The following CCDC157 variants were observed in gnomAD, a reference collection of about 807,000 sequenced individuals.
CCDC157 encodes coiled-coil domain-containing protein 157.
In CCDC157, 60 loss-of-function variants were observed where a neutral mutation model predicts 70.9. The observed-to-expected ratio is 0.85, with a 90% CI of 0.69 to 1.05. The LOEUF is 1.05. Among genes scored for constraint, CCDC157 ranks in the 50% least tolerant of loss-of-function variants. The pLI is 0.00. For missense variants in CCDC157, 943 were observed against 984.2 expected, an observed-to-expected ratio of 0.96 and a Z score of 0.56; for synonymous variants, 373 against 422.4, an observed-to-expected ratio of 0.88 and a Z score of 1.43.
chr22:30,375,354 A>C, intron 9 of CCDC157, 125 bp from the exon 10 acceptor site: 17 of 810,282 alleles, frequency 2.1e-5, no homozygotes, highest in Non-Finnish European at 3.0e-5. Context: ...GGAAGGGGGA[A>C]TAAGGCCTCG....
chr22:30,376,140 G>A (rs1293198394), intron 10 of CCDC157, 119 bp from the exon 11 acceptor site: 4 of 846,532 alleles, frequency 4.7e-6, no homozygotes, highest in Non-Finnish European at 7.5e-6. Context: ...CTAGGTGAAA[G>A]GGCCCATGGA....
chr22:30,363,977 TG>T (rs1932542732), intron 2 of CCDC157, among the ~76,000 whole-genome samples: 1 of 152,220 alleles, frequency 6.6e-6, no homozygotes, highest in Non-Finnish European at 1.5e-5. Context: ...CCATTGCGCC[TG>T]GCCTCAAAAG....
chr22:30,370,959 C>A lies in CCDC157; in HGVS notation c.1045+9C>A. 1 of 1,601,540 alleles carries A rather than the reference C, an allele frequency of 6.2e-7. No individual in the cohort carries two copies. Among genetic ancestry groups the A allele is most frequent in the South Asian group, 1.1e-5 (1 of 89,744 alleles). On this transcript the variant is annotated intron_variant, in intron 5 of 11. Transcript: ENST00000338306. Reference sequence around the variant, plus strand: ...ACAGCAGCTGCTCACAGGTCTGTGCCCCAGAGGCCAGACGCCTGGTGCCCA... The same window carrying A: ...ACAGCAGCTGCTCACAGGTCTGTGCACCAGAGGCCAGACGCCTGGTGCCCA...
At chr22:30,374,638 T>G (rs1409316776) in intron 9 of CCDC157, 1 of 456,882 alleles carries the variant, frequency 2.2e-6, no homozygotes, top group Non-Finnish European at 4.4e-6. Context: ...CAGGAAGATG[T>G]GCAGTTAGCT....
chr22:30,357,835 T>G (rs1932024954), intron 1 of CCDC157, among the ~76,000 whole-genome samples: 1 of 151,998 alleles, frequency 6.6e-6, no homozygotes, highest in Non-Finnish European at 1.5e-5. Flanking sequence ...AATTTTTTTT[T>G]TTGTAGGGAC....
chr22:30,356,760 CG>C (rs1176290108), upstream of CCDC157: 7 of 1,479,088 alleles, frequency 4.7e-6, no homozygotes, highest in Admixed American at 2.2e-5. Flanking sequence ...CGGGCGGCGG[CG>C]GGGGCACCGC....
Position 30,370,435 on chromosome 22 carries a change from T to C in CCDC157, c.530T>C (p.Val177Ala). 1 of 1,614,104 alleles carries C rather than the reference T, an allele frequency of 6.2e-7. No individual in the cohort carries two copies. Among genetic ancestry groups the C allele is most frequent in the Non-Finnish European group, 8.5e-7 (1 of 1,180,016 alleles). Reference protein sequence around the residue: ...TTKLIKPSSPVLGLPQTCQEP... With the variant: ...TTKLIKPSSPALGLPQTCQEP... ...AAGTTAATCAAGCCCTCCTCCCCAG[T>C]GCTAGGCTTGCCCCAGACCTGCCAA... The change falls in exon 5 of 12, where the codon GTG becomes GCG. Residue 177 changes from valine to alanine, a missense_variant. Physicochemically the swap from Val to Ala is moderately conservative, Grantham distance 64. Coordinates refer to ENST00000338306, the MANE Select transcript of CCDC157 (RefSeq NM_001017437.5).
At position 30,371,725 on chromosome 22, in the gene CCDC157, T is replaced by C; in HGVS notation, c.1121T>C (p.Val374Ala). 1 of 1,613,572 alleles carries C rather than the reference T, an allele frequency of 6.2e-7. No individual in the cohort carries two copies. ...LKQQRESTQA[V>A]EAKAQQLQEE... Reference sequence around the variant, plus strand: ...CAGCAGCGGGAGTCCACACAGGCTGTGGGTAAGGAGCCCCATCATAGGCCC... The same window carrying C: ...CAGCAGCGGGAGTCCACACAGGCTGCGGGTAAGGAGCCCCATCATAGGCCC... Residue 374 changes from valine to alanine, a missense_variant and splice_region_variant, in exon 6 of 12, where the codon GTG becomes GCG. Coordinates refer to ENST00000338306, the MANE Select transcript of CCDC157 (RefSeq NM_001017437.5).
At position 30,378,237 on chromosome 22, in the gene CCDC157, TGA is replaced by T; in HGVS notation, c.*1493_*1494del. 2.1e-6 allele frequency: 1 copy of T among 465,362 alleles called. No individual in the cohort carries two copies. The allele number at this position is 465,362 out of a possible 1,614,324, so 28.8% of individuals were successfully genotyped here. ...CTCTTCTACCAGCAGAAAACTACTT[TGA>T]ATAGGCTCATGTGGTTAGGGCAAGG... On this transcript the variant is annotated 3_prime_UTR_variant, in exon 12 of 12. Transcript: ENST00000338306.
In CCDC157 at chr22:30,373,700, C is replaced by G. The variant is rs1933117419; in HGVS notation, c.1439C>G (p.Ala480Gly). Residue 480 changes from alanine to glycine, a missense_variant, in exon 8 of 12, where the codon GCC becomes GGC. Ala to Gly is a moderately conservative substitution (Grantham distance 60). Coordinates refer to ENST00000338306, the MANE Select transcript of CCDC157 (RefSeq NM_001017437.5). ...CTGGACGAGGCTGAGGCCCAGCGGG[C>G]CCGCGTGGAGGAGCAGCTGCAGAGC... The part of the protein sequence containing the change: ...GSLDEAEAQR[A>G]RVEEQLQSER... 2 of 1,553,150 alleles carry G rather than the reference C, an allele frequency of 1.3e-6. No homozygotes were observed. The highest frequency in any genetic ancestry group is 3.9e-5 in the Admixed American group (2 of 51,330).
In CCDC157 at chr22:30,377,750, CAG is replaced by C. The variant is rs995608850; in HGVS notation, c.*1006_*1007del. 12 of 205,016 alleles carry C rather than the reference CAG, an allele frequency of 5.9e-5. No homozygotes were observed. Among genetic ancestry groups the C allele is most frequent in the South Asian group, 1.5e-4 (2 of 13,750 alleles). The allele number at this position is 205,016 out of a possible 1,614,324, so 12.7% of individuals were successfully genotyped here. On this transcript the variant is annotated 3_prime_UTR_variant, in exon 12 of 12. Coordinates refer to ENST00000338306, the MANE Select transcript of CCDC157 (RefSeq NM_001017437.5). ...TGGGGTGCCCCGGGCACCCCCCTCA[CAG>C]GGGAGCACCATCCCTCAGCACCCTG...
At chr22:30,356,972 C>T (rs978669047), upstream of CCDC157, 14 of 486,704 alleles carry the variant, frequency 2.9e-5, no homozygotes, top group East Asian at 3.9e-4. Context: ...ACGCGCTTCC[C>T]GCCCCTCCCC....
At chr22:30,373,893 G>C (rs1453671476) in intron 8 of CCDC157, 30 bp from the exon 9 acceptor site, 2 of 1,590,384 alleles carry the variant, frequency 1.3e-6, no homozygotes, top group South Asian at 1.1e-5. Context: ...GCTCACTCAG[G>C]AGCCAGGCCT....
upstream of CCDC157, chr22:30,356,760 C>CG: frequency 2.7e-6 from 4 of 1,479,148 alleles, no homozygotes; most frequent in South Asian, 1.3e-5. Context: ...CGGGCGGCGG[C>CG]GGGGGCACCG....
At chr22:30,364,304 C>G (rs998433539) in intron 2 of CCDC157, among the ~76,000 whole-genome samples, 20 of 151,962 alleles carry the variant, frequency 1.3e-4, no homozygotes, top group Non-Finnish European at 2.9e-5. Flanking sequence ...TGCCACTGCA[C>G]TCCAGCCTGG....
At chr22:30,373,066 C>G (rs1376826936) in intron 7 of CCDC157, 1 of 155,582 alleles carries the variant, frequency 6.4e-6, no homozygotes, top group Non-Finnish European at 1.4e-5. Context: ...TCTTGTCACC[C>G]CCATTTTACG....
At position 30,371,744 on chromosome 22, in the gene CCDC157, T is replaced by C. The variant is rs1932956619; in HGVS notation, c.1123+17T>C. 6.3e-7 allele frequency: 1 copy of C among 1,594,290 alleles called. No homozygotes were observed. The highest frequency in any genetic ancestry group is 2.2e-5 in the East Asian group (1 of 44,814). ...AGGCTGTGGGTAAGGAGCCCCATCATAGGCCCCCATGCCACATCTCAAGCC... is the reference window on the plus strand; with the variant it reads ...AGGCTGTGGGTAAGGAGCCCCATCACAGGCCCCCATGCCACATCTCAAGCC... On this transcript the variant is annotated intron_variant, in intron 6 of 11. Transcript: ENST00000338306.
intron 9 of CCDC157, chr22:30,374,306 A>G: frequency 3.1e-6 from 2 of 653,584 alleles, no homozygotes; most frequent in Admixed American, 2.2e-5. Flanking sequence ...AAAGCCCAAC[A>G]GTGATGTGAC....
chr22:30,366,512 T>C (rs549401713), intron 3 of CCDC157: 4 of 540,230 alleles, frequency 7.4e-6, no homozygotes, highest in Non-Finnish European at 1.4e-5. Flanking sequence ...CATCGGTCTC[T>C]GTGGCACCAC....
Sources: allele counts gnomAD v4.1 joint callset (sites outside exome capture counted in the v4.1 genomes callset), GRCh38; gene constraint gnomAD v4.1.1; transcripts MANE v1.5; gene names NCBI Gene and HGNC (gene_info 2026-07-23, HGNC 2026-07-21).